The following RBFOX1 variants were observed in gnomAD, a reference collection of about 807,000 sequenced individuals.
RBFOX1 encodes the protein RNA binding fox-1 homolog 1.
Under a neutral mutation model 57.7 loss-of-function variants are expected in RBFOX1, and 8 were observed. The observed-to-expected ratio is 0.14, with a 90% CI of 0.08 to 0.25. The LOEUF is 0.25. Among genes scored for constraint, RBFOX1 ranks in the 10% least tolerant of loss-of-function variants. The pLI, the probability that RBFOX1 is intolerant of heterozygous loss-of-function variation, is 1.00. For synonymous variants in RBFOX1, 326 were observed against 222.4 expected, an observed-to-expected ratio of 1.47 and a Z score of -4.15; for missense variants, 611 against 548.5, an observed-to-expected ratio of 1.11 and a Z score of -1.14.
chr16:6,905,470 T>A (rs1296510306), intron 3 of RBFOX1, among the ~76,000 whole-genome samples: 4 of 151,822 alleles, frequency 2.6e-5, no homozygotes, highest in Admixed American at 1.3e-4. Flanking sequence ...GGAGAATGGC[T>A]TGAACCCGGG....
chr16:7,122,985 C>A (rs1010975158), intron 4 of RBFOX1, among the ~76,000 whole-genome samples: 2 of 151,802 alleles, frequency 1.3e-5, no homozygotes, highest in African/African-American at 4.8e-5. Flanking sequence ...CCTATGACAT[C>A]TGCAAGAAAG....
chr16:6,505,700 T>C (rs1261056449), intron 2 of RBFOX1, among the ~76,000 whole-genome samples: 3 of 152,172 alleles, frequency 2.0e-5, no homozygotes, highest in African/African-American at 7.2e-5. Flanking sequence ...AAGGAAAAAG[T>C]GTAGTACTCT....
intron 2 of RBFOX1, among the ~76,000 whole-genome samples, chr16:6,319,803 T>A (rs1216294363): frequency 6.6e-6 from 1 of 152,196 alleles, no homozygotes; most frequent in African/African-American, 2.4e-5. Context: ...TCAGCATGAT[T>A]TTCTACAACT....
intron 4 of RBFOX1, among the ~76,000 whole-genome samples, chr16:7,063,467 A>C (rs7203820): frequency 6.6e-6 from 1 of 152,132 alleles, no homozygotes; most frequent in African/African-American, 2.4e-5. Context: ...GTTTATAACA[A>C]GTGCCATTTC....
intron 1 of RBFOX1, among the ~76,000 whole-genome samples, chr16:6,083,813 G>C (rs2096046525): frequency 6.6e-6 from 1 of 151,938 alleles, no homozygotes; most frequent in Non-Finnish European, 1.5e-5. Context: ...CTCCAATATA[G>C]CCCTTTTCAC....
rs535345282 is a variant in RBFOX1 at position 5,814,296 on chromosome 16, G to C, written c.319-53007G>C. Reference sequence around the variant, plus strand: ...TATGTCCTAATGAAGAAGTGACAAAGGGATTGTACTCTGTAAAAGAATATA... The same window carrying C: ...TATGTCCTAATGAAGAAGTGACAAACGGATTGTACTCTGTAAAAGAATATA... On this transcript the variant is annotated intron_variant, in intron 3 of 19. Transcript: ENST00000641259. 2.6e-5 allele frequency among the ~76,000 whole-genome samples: 4 copies of C among 152,214 alleles called. No individual in the cohort carries two copies. In the South Asian group the frequency reaches 8.3e-4, roughly 32 times the overall value.
chr16:6,003,355 C>T (rs1199737354), intron 4 of RBFOX1, among the ~76,000 whole-genome samples: 1 of 151,858 alleles, frequency 6.6e-6, no homozygotes, highest in Non-Finnish European at 1.5e-5. Flanking sequence ...TGGTTCCCTC[C>T]TTGTGAGATC....
At chr16:7,439,162 G>A (rs535260721) in intron 4 of RBFOX1, among the ~76,000 whole-genome samples, 3 of 152,222 alleles carry the variant, frequency 2.0e-5, no homozygotes, top group African/African-American at 7.2e-5. Context: ...CTTTACGCAG[G>A]CCTTCGCGCT....
chr16:7,306,146 T>C (rs775451917), intron 4 of RBFOX1, among the ~76,000 whole-genome samples: 6 of 152,232 alleles, frequency 3.9e-5, no homozygotes, highest in Non-Finnish European at 8.8e-5. Flanking sequence ...ATGTTCTCCG[T>C]TCCTTTGTGT....
chr16:5,271,280 G>A (rs1442276512), intron 1 of RBFOX1, among the ~76,000 whole-genome samples: 1 of 152,178 alleles, frequency 6.6e-6, no homozygotes. Context: ...CTTGAGGCCA[G>A]GAGTAATTTG....
chr16:6,462,654 C>G (rs1029673905), intron 2 of RBFOX1, among the ~76,000 whole-genome samples: 1 of 152,112 alleles, frequency 6.6e-6, no homozygotes, highest in Non-Finnish European at 1.5e-5. Context: ...TTAGTAAAAG[C>G]TCACCAATTT....
intron 3 of RBFOX1, among the ~76,000 whole-genome samples, chr16:6,737,842 A>C (rs1254547922): frequency 6.6e-6 from 1 of 152,142 alleles, no homozygotes; most frequent in East Asian, 1.9e-4. Context: ...GGGACATTGC[A>C]GACTTTTCCT....
intron 3 of RBFOX1, among the ~76,000 whole-genome samples, chr16:6,927,509 A>C (rs527312359): frequency 1.3e-5 from 2 of 150,842 alleles, no homozygotes; most frequent in South Asian, 4.2e-4. Flanking sequence ...TTCCACATGG[A>C]AGCTCCATGT....
chr16:7,072,220 G>T (rs1390630835), intron 4 of RBFOX1, among the ~76,000 whole-genome samples: 2 of 152,268 alleles, frequency 1.3e-5, no homozygotes, highest in African/African-American at 4.8e-5. Context: ...AATAAATTAT[G>T]ATCACTGAAC....
rs1390973659 is a variant in RBFOX1 at position 7,582,033 on chromosome 16, C to A, written c.414+2113C>A. ...CTATTGCACCCATCCAGCACCCCCC[C>A]CCCCCCTTTTTTTTGTGACAAAGTC... On this transcript the variant is annotated intron_variant, in intron 6 of 15. Coordinates refer to ENST00000550418, the MANE Select transcript of RBFOX1 (RefSeq NM_018723.4). Among the ~76,000 whole-genome samples, 421 of 151,474 alleles carry A rather than the reference C, an allele frequency of 2.8e-3. 16 individuals are homozygous for A. The South Asian group carries it at 0.068, about 24-fold the overall frequency.
chr16:6,496,857 G>C (rs1449591779), intron 2 of RBFOX1, among the ~76,000 whole-genome samples: 4 of 152,128 alleles, frequency 2.6e-5, no homozygotes, highest in Non-Finnish European at 5.9e-5. Context: ...CTACTCGGGA[G>C]GCTGAGGCAG....
At chr16:5,689,989 C>A (rs1422355595) in intron 3 of RBFOX1, among the ~76,000 whole-genome samples, 1 of 152,118 alleles carries the variant, frequency 6.6e-6, no homozygotes, top group African/African-American at 2.4e-5. Flanking sequence ...GCTGCTTGCA[C>A]ATGGAACAGC....
intron 4 of RBFOX1, among the ~76,000 whole-genome samples, chr16:5,903,862 C>A (rs2058373381): frequency 6.6e-6 from 1 of 152,102 alleles, no homozygotes. Context: ...GATGCGGGGG[C>A]CTTGGTTGGT....
chr16:6,148,676 T>A (rs572657006), intron 1 of RBFOX1, among the ~76,000 whole-genome samples: 18 of 152,192 alleles, frequency 1.2e-4, no homozygotes, highest in Non-Finnish European at 2.5e-4. Flanking sequence ...CAGGACACAG[T>A]TAGCATGGGA....
Sources: gnomAD v4.1 joint callset for allele counts (sites outside exome capture counted in the v4.1 genomes callset) on GRCh38, gnomAD v4.1.1 for gene constraint, MANE v1.5 for transcripts, NCBI Gene and HGNC (gene_info 2026-07-23, HGNC 2026-07-21) for gene names.